Variants in DDR2 observed in about 807,000 individuals in gnomAD.
DDR2 encodes discoidin domain-containing receptor 2.
Under a neutral mutation model 94.9 loss-of-function variants are expected in DDR2, and 27 were observed. The observed-to-expected ratio is 0.28, with a 90% CI of 0.21 to 0.39. DDR2 has a LOEUF of 0.39. Among genes scored for constraint, DDR2 ranks in the 10% least tolerant of loss-of-function variants. DDR2 has a pLI of 1.00. For synonymous variants in DDR2, 382 were observed against 377.2 expected (o/e 1.01, Z -0.15); for missense variants, 783 against 1,076.0 (o/e 0.73, Z 3.81).
chr1:162,647,772 A>C (rs1016520489), intron 1 of DDR2, among the ~76,000 whole-genome samples: 11 of 152,212 alleles, frequency 7.2e-5, no homozygotes, highest in Admixed American at 4.6e-4. Flanking sequence ...TTAGCGTCTA[A>C]TGAGCAGTGA....
intron 3 of DDR2, among the ~76,000 whole-genome samples, chr1:162,729,479 T>C (rs1661912645): frequency 6.7e-6 from 1 of 148,832 alleles, no homozygotes; most frequent in Admixed American, 6.7e-5. Context: ...AGTGAGGTTT[T>C]TTTATGAGCC....
chr1:162,712,979 G>A (rs1263244833), intron 2 of DDR2, among the ~76,000 whole-genome samples: 13 of 152,158 alleles, frequency 8.5e-5, no homozygotes, highest in Admixed American at 4.6e-4. Flanking sequence ...CACAATGAAT[G>A]GGAAGCACCA....
intron 2 of DDR2, among the ~76,000 whole-genome samples, chr1:162,669,752 G>T (rs1277799297): frequency 2.6e-5 from 4 of 152,102 alleles, no homozygotes; most frequent in African/African-American, 9.7e-5. Context: ...CTTAGAATTG[G>T]TATTCTGTTT....
chr1:162,650,767 C>T (rs1167964453), intron 1 of DDR2, among the ~76,000 whole-genome samples: 1 of 151,830 alleles, frequency 6.6e-6, no homozygotes, highest in African/African-American at 2.4e-5. Flanking sequence ...GCTCTGTTAC[C>T]CTGGCTGTAG....
chr1:162,700,772 T>A (rs1660395719), intron 2 of DDR2, among the ~76,000 whole-genome samples: 1 of 152,208 alleles, frequency 6.6e-6, no homozygotes, highest in Admixed American at 6.5e-5. Context: ...GATGCCTCTA[T>A]GAGGTGTTAC....
intron 3 of DDR2, among the ~76,000 whole-genome samples, chr1:162,726,250 T>C (rs1445437184): frequency 6.6e-6 from 1 of 152,268 alleles, no homozygotes; most frequent in Non-Finnish European, 1.5e-5. Context: ...TCCATTATTC[T>C]ATACTGTCCT....
intron 1 of DDR2, among the ~76,000 whole-genome samples, chr1:162,640,186 C>T (rs1657056341): frequency 6.6e-6 from 1 of 151,876 alleles, no homozygotes; most frequent in Non-Finnish European, 1.5e-5. Context: ...GGATTACAGG[C>T]GTGTGCTATC....
Position 162,759,827 on chromosome 1 carries a change from G to A in DDR2, c.703G>A (p.Gly235Ser). Residue 235 changes from glycine (G) to serine (S), a missense_variant, in exon 8 of 18, where the codon GGT (glycine) becomes AGT (serine). Physicochemically the swap from Gly to Ser is moderately conservative, Grantham distance 56. Coordinates refer to ENST00000367921, the MANE Select transcript of DDR2 (RefSeq NM_006182.4). ...AGAAGGGCTAGGCCAATTGACCGATGGTGTGTCTGGCCTGGACGATTTCAC... is the reference window on the plus strand; with the variant it reads ...AGAAGGGCTAGGCCAATTGACCGATAGTGTGTCTGGCCTGGACGATTTCAC... ...MTEGLGQLTD[G>S]VSGLDDFTQT... 6.2e-7 allele frequency: 1 copy of A among 1,614,124 alleles called. No individual in the cohort carries two copies. The highest frequency in any genetic ancestry group is 8.5e-7 in the Non-Finnish European group (1 of 1,180,018).
chr1:162,687,737 G>A (rs1232283339), intron 2 of DDR2, among the ~76,000 whole-genome samples: 2 of 152,182 alleles, frequency 1.3e-5, no homozygotes, highest in African/African-American at 2.4e-5. Flanking sequence ...GCCAGGTTGG[G>A]GACGGAGAGA....
At chr1:162,776,548 T>A (rs1647564878) in intron 16 of DDR2, among the ~76,000 whole-genome samples, 178 bp downstream of exon 16, 1 of 152,230 alleles carries the variant, frequency 6.6e-6, no homozygotes, top group Non-Finnish European at 1.5e-5. Flanking sequence ...TGCCTATTTC[T>A]GCTAAAAAAT....
At chr1:162,741,194 T>TAATACAATACAATAC (rs201436659) in intron 3 of DDR2, among the ~76,000 whole-genome samples, 4 of 77,540 alleles carry the variant, frequency 5.2e-5, no homozygotes, top group Non-Finnish European at 8.3e-5. Flanking sequence ...TAACATAACA[T>TAATACAATACAATAC]AATACAATAC....
chr1:162,725,383 T>C (rs1011883758), intron 3 of DDR2, among the ~76,000 whole-genome samples: 4 of 152,162 alleles, frequency 2.6e-5, no homozygotes, highest in Admixed American at 2.6e-4. Context: ...CGCTTGTTTT[T>C]TTGTTTGTTT....
intron 11 of DDR2, among the ~76,000 whole-genome samples, chr1:162,768,680 G>A (rs965958315): frequency 1.9e-4 from 29 of 152,294 alleles, no homozygotes; most frequent in Admixed American, 1.2e-3. Context: ...CCACCCTCAG[G>A]TTCCTGAGAT....
chr1:162,639,585 T>A (rs1657022497), intron 1 of DDR2, among the ~76,000 whole-genome samples: 1 of 152,220 alleles, frequency 6.6e-6, no homozygotes, highest in Admixed American at 6.5e-5. Flanking sequence ...TTGTGATGAC[T>A]TTTTAGTTAC....
In DDR2 at chr1:162,677,140, C is replaced by T. The variant is rs76303351; in HGVS notation, c.-28+21766C>T. Among the ~76,000 whole-genome samples, 340 of 152,226 alleles carry T rather than the reference C, an allele frequency of 2.2e-3. 1 individual carries two copies. The highest frequency in any genetic ancestry group is 7.5e-3 in the African/African-American group (310 of 41,538). On this transcript the variant is annotated intron_variant, in intron 2 of 17. Coordinates refer to ENST00000367921, the MANE Select transcript of DDR2 (RefSeq NM_006182.4). ...GATCCCAGGAGCACACGAGGAAAAA[C>T]GATAATAGCATACTTGAGATCCAAG...
intron 2 of DDR2, among the ~76,000 whole-genome samples, chr1:162,680,359 C>T (rs1423694964): frequency 6.6e-6 from 1 of 152,152 alleles, no homozygotes; most frequent in African/African-American, 2.4e-5. Context: ...TATGGCTAGC[C>T]AGCTATCTCA....
In DDR2 at chr1:162,782,697, T is replaced by C. The variant is rs369138841; in HGVS notation, c.*2451T>C. 4.6e-5 allele frequency: 7 copies of C among 152,178 alleles called. No homozygotes were observed. In the East Asian group the frequency reaches 1.2e-3, roughly 25 times the overall value. The allele number at this position is 152,178 out of a possible 1,614,324, so 9.4% of individuals were successfully genotyped here. A position where few individuals can be genotyped will look rare whatever the true frequency, so the allele number is the denominator to read the frequency against. On this transcript the variant is annotated 3_prime_UTR_variant, in exon 18 of 18. Coordinates refer to ENST00000367921, the MANE Select transcript of DDR2 (RefSeq NM_006182.4). Reference sequence around the variant, plus strand: ...GCCTAAAATCTCTCCACTTATTCTTTTTTATGATTCTGCACCAGTTCACTG... The same window carrying C: ...GCCTAAAATCTCTCCACTTATTCTTCTTTATGATTCTGCACCAGTTCACTG...
chr1:162,688,669 A>G (rs1314852060), intron 2 of DDR2, among the ~76,000 whole-genome samples: 1 of 152,266 alleles, frequency 6.6e-6, no homozygotes, highest in African/African-American at 2.4e-5. Context: ...CATAAAGAAG[A>G]CTGCCATGAC....
chr1:162,686,587 T>C (rs980839066), intron 2 of DDR2, among the ~76,000 whole-genome samples: 13 of 152,242 alleles, frequency 8.5e-5, no homozygotes, highest in Non-Finnish European at 1.5e-5. Flanking sequence ...ATGGTATATA[T>C]GTGCCACATT....
Sources: gnomAD v4.1 joint callset for allele counts (sites outside exome capture counted in the v4.1 genomes callset) on GRCh38, gnomAD v4.1.1 for gene constraint, MANE v1.5 for transcripts, NCBI Gene and HGNC (gene_info 2026-07-23, HGNC 2026-07-21) for gene names.